Variants in RTN1 observed in about 807,000 individuals in gnomAD.
The protein encoded by RTN1 is reticulon-1.
RTN1 carries 25 observed loss-of-function variants against 65.5 expected under a neutral mutation model. The ratio of observed to expected loss-of-function variants is 0.38; its 90% CI spans 0.28 to 0.53. RTN1 has a LOEUF of 0.53. RTN1 is among the 20% of genes least tolerant of loss of function. The pLI is 0.79. For missense variants in RTN1, 983 were observed against 1,025.4 expected (o/e 0.96, Z 0.57); for synonymous variants, 471 against 447.6 (o/e 1.05, Z -0.66).
Position 59,745,728 on chromosome 14 carries a change from G to A in RTN1, c.995C>T (p.Thr332Ile), listed in dbSNP as rs746680178. ...EPEDDSPGSI[T>I]PPSSGTEPSA... ...TTTACCTGTTCCAGAAGATGGAGGG[G>A]TGATAGATCCTGGGCTGTCGTCTTC... The change falls in exon 2 of 9, where the codon ACC (threonine) becomes ATC (isoleucine). Residue 332 changes from threonine to isoleucine, a missense_variant. Thr to Ile is a moderately conservative substitution (Grantham distance 89). Transcript: ENST00000267484. The A allele has an allele frequency of 1.2e-6, 2 of 1,609,680 alleles. No individual in the cohort carries two copies. Among genetic ancestry groups the A allele is most frequent in the South Asian group, 2.2e-5 (2 of 90,364 alleles).
In RTN1 at chr14:59,774,305, T is replaced by C. The variant is rs1267261860; in HGVS notation, c.242-27824A>G. Among the ~76,000 whole-genome samples, 1 of 152,176 alleles carries C rather than the reference T, an allele frequency of 6.6e-6. No homozygotes were observed. The highest frequency in any genetic ancestry group is 2.4e-5 in the African/African-American group (1 of 41,448). On this transcript the variant is annotated intron_variant, in intron 1 of 8. Transcript: ENST00000267484. This position sits in a 1 kb window ranked among gnomAD's most constrained non-coding sequence, Gnocchi z 5.1. ...ATTCTGCATTCCATTTGTAAGAACA[T>C]GGACTCGACTCTGAATTAAAGTGTA...
In RTN1 at chr14:59,774,129, C is replaced by G. The variant is rs1886008502; in HGVS notation, c.242-27648G>C. On this transcript the variant is annotated intron_variant, in intron 1 of 8. Transcript: ENST00000267484. The surrounding 1 kb of genome is among the most constrained non-coding windows in gnomAD (Gnocchi z 5.1). ...TGTCTGTAGTGGACTGACAGTTCCA[C>G]TTACATGAAAGAGATGCTTTAAGTA... 6.6e-6 allele frequency among the ~76,000 whole-genome samples: 1 copy of G among 152,120 alleles called. No homozygotes were observed. The highest frequency in any genetic ancestry group is 2.4e-5 in the African/African-American group (1 of 41,426).
Position 59,749,577 on chromosome 14 carries a change from A to ATTTATATATATATCTATC in RTN1, c.242-3097_242-3096insGATAGATATATATATAAA, listed in dbSNP as rs1566712248. ...TAGATATCTATATATAGATATATAT[A>ATTTATATATATATCTATC]TATAGATATTTATATATATATCTAT... On this transcript the variant is annotated intron_variant, in intron 1 of 8. Coordinates refer to ENST00000267484, the MANE Select transcript of RTN1 (RefSeq NM_021136.3). 3.0e-3 allele frequency among the ~76,000 whole-genome samples: 118 copies of ATTTATATATATATCTATC among 38,900 alleles called. 2 individuals carry two copies. The highest frequency in any genetic ancestry group is 0.024 in the African/African-American group (109 of 4,456). The allele number at this position is 38,900 out of a possible 152,430, so 25.5% of individuals were successfully genotyped here. A position where few individuals can be genotyped will look rare whatever the true frequency, so the allele number is the denominator to read the frequency against.
In RTN1 at chr14:59,679,384, T is replaced by C. The variant is rs1251735471; in HGVS notation, c.1765+47535A>G. Among the ~76,000 whole-genome samples, 5 of 152,262 alleles carry C rather than the reference T, an allele frequency of 3.3e-5. 1 individual carries two copies. In the South Asian group the frequency reaches 8.3e-4, roughly 25 times the overall value. On this transcript the variant is annotated intron_variant, in intron 3 of 8. Transcript: ENST00000267484. ...TACCATTGTATCAATGTTTGTAAAATAAGGCTAGAGACTGGAGCTCTAACT... is the reference window on the plus strand; with the variant it reads ...TACCATTGTATCAATGTTTGTAAAACAAGGCTAGAGACTGGAGCTCTAACT...
At chr14:59,741,184 G>A (rs1474745791) in intron 2 of RTN1, among the ~76,000 whole-genome samples, 5 of 151,974 alleles carry the variant, frequency 3.3e-5, no homozygotes, top group South Asian at 4.1e-4. Flanking sequence ...CAGCCAAGCC[G>A]GCCTTCCAGC....
intron 3 of RTN1, among the ~76,000 whole-genome samples, chr14:59,683,924 C>T (rs1186447774): frequency 1.3e-5 from 2 of 152,126 alleles, no homozygotes; most frequent in Admixed American, 6.5e-5. Context: ...TTGTCTGATT[C>T]TTATTACCAA....
rs952298613 is a variant in RTN1 at position 59,596,642 on chromosome 14, G to A, written c.*103C>T. On this transcript the variant is annotated 3_prime_UTR_variant, in exon 9 of 9. Coordinates refer to ENST00000267484, the MANE Select transcript of RTN1 (RefSeq NM_021136.3). ...GTTTGTCTCTAAGATTATGGTACTG[G>A]AGGGAGGGGGGAAAGACAATCAATT... 2.6e-5 allele frequency: 23 copies of A among 896,474 alleles called. No individual in the cohort carries two copies. The highest frequency in any genetic ancestry group is 2.5e-5 in the Non-Finnish European group (13 of 529,962). 55.5% of individuals were successfully genotyped at this position (896,474 alleles called of 1,614,324 possible).
chr14:59,815,561 A>G (rs1886805188), intron 1 of RTN1, among the ~76,000 whole-genome samples: 1 of 152,152 alleles, frequency 6.6e-6, no homozygotes, highest in African/African-American at 2.4e-5. Context: ...CTACTTTCTC[A>G]GTCTGACCGA....
chr14:59,810,640 A>C (rs1290253421), intron 1 of RTN1, among the ~76,000 whole-genome samples: 2 of 152,202 alleles, frequency 1.3e-5, no homozygotes, highest in Non-Finnish European at 1.5e-5. Context: ...TGGAGTGATA[A>C]AAATATGCTT....
intron 1 of RTN1, among the ~76,000 whole-genome samples, chr14:59,759,614 C>A (rs908559569): frequency 6.6e-6 from 1 of 151,508 alleles, no homozygotes; most frequent in African/African-American, 2.4e-5. Context: ...GACACCTCAA[C>A]AAATAATTAG....
intron 3 of RTN1, among the ~76,000 whole-genome samples, chr14:59,689,145 C>A (rs1883905384): frequency 1.3e-5 from 2 of 152,006 alleles, no homozygotes; most frequent in South Asian, 4.1e-4. Flanking sequence ...TTGAAAAACT[C>A]ATTTAAGAAA....
chr14:59,662,971 T>A (rs1460030372), intron 3 of RTN1, among the ~76,000 whole-genome samples: 1 of 151,794 alleles, frequency 6.6e-6, no homozygotes, highest in African/African-American at 2.4e-5. Context: ...CAATCCTAAG[T>A]AAAAAGAACA....
intron 1 of RTN1, among the ~76,000 whole-genome samples, chr14:59,808,601 C>T (rs549641148): frequency 4.1e-4 from 62 of 152,298 alleles, no homozygotes; most frequent in African/African-American, 1.4e-3. Flanking sequence ...GTTTACAAGG[C>T]TGCAGTAAGA....
chr14:59,680,236 A>G (rs1398774712), intron 3 of RTN1, among the ~76,000 whole-genome samples: 1 of 152,152 alleles, frequency 6.6e-6, no homozygotes, highest in Non-Finnish European at 1.5e-5. Flanking sequence ...ACCTCCTCCA[A>G]AATAGACAAT....
chr14:59,644,474 G>A (rs1882847301), intron 3 of RTN1, among the ~76,000 whole-genome samples: 1 of 152,202 alleles, frequency 6.6e-6, no homozygotes, highest in Non-Finnish European at 1.5e-5. Context: ...GCTATGTGGA[G>A]TCTTGGCAGA....
At chr14:59,723,343 A>G (rs1884686863) in intron 3 of RTN1, among the ~76,000 whole-genome samples, 2 of 151,518 alleles carry the variant, frequency 1.3e-5, no homozygotes, top group Admixed American at 6.6e-5. Flanking sequence ...GCGGTGGCTC[A>G]CGCCTGTAAT....
At chr14:59,673,317 G>A (rs997495892) in intron 3 of RTN1, among the ~76,000 whole-genome samples, 5 of 152,104 alleles carry the variant, frequency 3.3e-5, no homozygotes, top group Non-Finnish European at 7.4e-5. Flanking sequence ...CTCGGCGAGT[G>A]GGAGGGAGTG....
At chr14:59,612,733 C>T (rs1307134156) in intron 3 of RTN1, among the ~76,000 whole-genome samples, 1 of 152,168 alleles carries the variant, frequency 6.6e-6, no homozygotes, top group African/African-American at 2.4e-5. Context: ...GGAGCTTAAC[C>T]TTGTGACCAT....
At chr14:59,792,630 C>T (rs1482578939) in intron 1 of RTN1, among the ~76,000 whole-genome samples, 1 of 152,112 alleles carries the variant, frequency 6.6e-6, no homozygotes, top group East Asian at 1.9e-4. Context: ...CCATTTCTCA[C>T]TTTTTTGGTA....
Sources: gnomAD v4.1 joint callset for allele counts (sites outside exome capture counted in the v4.1 genomes callset) on GRCh38, gnomAD v4.1.1 for gene constraint, Gnocchi (gnomAD v3.1) non-coding constraint, MANE v1.5 for transcripts, NCBI Gene and HGNC (gene_info 2026-07-23, HGNC 2026-07-21) for gene names.